The following SOX6 variants were observed in gnomAD, a reference collection of about 807,000 sequenced individuals.
SOX6 encodes the protein SRY-box transcription factor 6, also known as transcription factor SOX-6.
SOX6 carries 11 observed loss-of-function variants against 97.8 expected under a neutral mutation model. The observed-to-expected ratio is 0.11, with a 90% CI of 0.07 to 0.19. SOX6 has a LOEUF of 0.19. Among genes scored for constraint, SOX6 ranks in the 10% least tolerant of loss-of-function variants. SOX6 has a pLI of 1.00. For missense variants in SOX6, 810 were observed against 1,039.5 expected (o/e 0.78, Z 3.04); for synonymous variants, 360 against 371.4 (o/e 0.97, Z 0.35).
At chr11:16,063,613 G>C (rs553478250) in intron 9 of SOX6, among the ~76,000 whole-genome samples, 3 of 127,964 alleles carry the variant, frequency 2.3e-5, no homozygotes, top group African/African-American at 8.7e-5. Flanking sequence ...AACAGAAAAA[G>C]TACAAGGCCT....
chr11:16,630,271 G>A (rs983606978), intron 3 of SOX6, among the ~76,000 whole-genome samples: 1 of 152,206 alleles, frequency 6.6e-6, no homozygotes, highest in Admixed American at 6.5e-5. Context: ...GCATCCCAGA[G>A]ATTTTGGTAT....
In SOX6 at chr11:16,132,444, A is replaced by AAAG. The variant is rs1554933993; in HGVS notation, c.778-20522_778-20521insCTT. The stretch of plus-strand genomic sequence containing the variant: ...AAGAAAGAAAGAAAGAAAGAAAGAA[A>AAAG]AAAGAAAGAAAGAAAGAAAGAAAGA... On this transcript the variant is annotated intron_variant, in intron 6 of 15. Coordinates refer to ENST00000683767, the MANE Select transcript of SOX6 (RefSeq NM_001367873.1). Among the ~76,000 whole-genome samples, 47 of 27,248 alleles carry AAAG rather than the reference A, an allele frequency of 1.7e-3. 4 individuals are homozygous for AAAG. The highest frequency in any genetic ancestry group is 7.0e-3 in the African/African-American group (41 of 5,852). 17.9% of individuals were successfully genotyped at this position (27,248 alleles called of 152,430 possible).
intron 4 of SOX6, among the ~76,000 whole-genome samples, chr11:16,188,038 C>T (rs978258297): frequency 6.6e-6 from 1 of 151,994 alleles, no homozygotes; most frequent in African/African-American, 2.4e-5. Flanking sequence ...TAAGAAAGCA[C>T]CATTACAATC....
chr11:16,408,346 G>C (rs898412316), intron 1 of SOX6, among the ~76,000 whole-genome samples: 2 of 152,118 alleles, frequency 1.3e-5, no homozygotes, highest in African/African-American at 4.8e-5. Context: ...AAAAGGAAAG[G>C]ACCATAAAGA....
intron 13 of SOX6, among the ~76,000 whole-genome samples, chr11:16,005,160 A>C (rs527737474): frequency 6.6e-6 from 1 of 152,046 alleles, no homozygotes; most frequent in Non-Finnish European, 1.5e-5. Context: ...TATATTTTAC[A>C]TTCTATTCTT....
chr11:16,266,636 C>A (rs1473464334), intron 3 of SOX6, among the ~76,000 whole-genome samples: 2 of 151,164 alleles, frequency 1.3e-5, no homozygotes, highest in Non-Finnish European at 3.0e-5. Context: ...TGTATAACAA[C>A]AATAATAAAA....
chr11:16,145,297 A>G (rs12576891), intron 6 of SOX6, among the ~76,000 whole-genome samples: 12,581 of 152,216 alleles, frequency 0.083, 1,081 homozygotes, highest in East Asian at 0.37. Flanking sequence ...ACAAAATTCA[A>G]CAGCCCTTCA....
At chr11:16,293,827 T>TG (rs1365307264) in intron 3 of SOX6, among the ~76,000 whole-genome samples, 1 of 151,970 alleles carries the variant, frequency 6.6e-6, no homozygotes, top group Admixed American at 6.6e-5. Flanking sequence ...GATTAGTACT[T>TG]GGGGGTCACC....
At chr11:16,121,516 T>G (rs929572543) in intron 6 of SOX6, among the ~76,000 whole-genome samples, 5 of 152,000 alleles carry the variant, frequency 3.3e-5, no homozygotes, top group African/African-American at 1.2e-4. Context: ...TTTCAGGTAG[T>G]GGTATTAGGT....
intron 1 of SOX6, among the ~76,000 whole-genome samples, chr11:16,469,110 CATA>C (rs565208549): frequency 3.3e-5 from 5 of 150,230 alleles, no homozygotes; most frequent in East Asian, 1.9e-4. Flanking sequence ...TAAAATAGGC[CATA>C]ATAATAATAA....
intron 4 of SOX6, among the ~76,000 whole-genome samples, chr11:16,504,509 C>A (rs182500223): frequency 1.3e-5 from 2 of 151,272 alleles, no homozygotes; most frequent in African/African-American, 4.9e-5. Flanking sequence ...AAAAAAACTT[C>A]GAAATAAATT....
chr11:16,495,914 A>G (rs1310778122), intron 4 of SOX6, among the ~76,000 whole-genome samples: 3 of 152,156 alleles, frequency 2.0e-5, no homozygotes, highest in African/African-American at 4.8e-5. Context: ...ACAAAATATC[A>G]CCACAGCCTC....
chr11:16,283,186 T>C (rs974050065), intron 3 of SOX6, among the ~76,000 whole-genome samples: 2 of 148,182 alleles, frequency 1.3e-5, no homozygotes, highest in Non-Finnish European at 3.0e-5. Flanking sequence ...TTCATATCAA[T>C]TGAATGGCAA....
At chr11:16,218,205 T>C (rs184777251) in intron 4 of SOX6, among the ~76,000 whole-genome samples, 1 of 151,698 alleles carries the variant, frequency 6.6e-6, no homozygotes, top group Non-Finnish European at 1.5e-5. Context: ...AGTCTTCAAA[T>C]GGAAAGGGCC....
intron 4 of SOX6, among the ~76,000 whole-genome samples, chr11:16,525,283 G>C (rs1215312208): frequency 6.6e-6 from 1 of 151,596 alleles, no homozygotes. Flanking sequence ...CCAAAACAGA[G>C]ATATAGATCA....
intron 9 of SOX6, among the ~76,000 whole-genome samples, chr11:16,059,350 C>T (rs1338648044): frequency 6.6e-6 from 1 of 151,950 alleles, no homozygotes; most frequent in Non-Finnish European, 1.5e-5. Flanking sequence ...AGTTAAGCCA[C>T]TACCTTGATG....
chr11:16,303,570 ATTC>A (rs1855330960), intron 3 of SOX6, among the ~76,000 whole-genome samples: 1 of 152,158 alleles, frequency 6.6e-6, no homozygotes, highest in Non-Finnish European at 1.5e-5. Context: ...CTAACACTTT[ATTC>A]TTCTTTCTCA....
At chr11:16,373,951 A>G (rs1432324078) in intron 1 of SOX6, among the ~76,000 whole-genome samples, 1 of 151,512 alleles carries the variant, frequency 6.6e-6, no homozygotes, top group Non-Finnish European at 1.5e-5. Flanking sequence ...AGAAGGAAGG[A>G]AGCTAACTTA....
At chr11:16,328,095 T>C (rs61883197) in intron 2 of SOX6, among the ~76,000 whole-genome samples, 18,307 of 152,140 alleles carry the variant, frequency 0.12, 1,513 homozygotes, top group Middle Eastern at 0.19. Context: ...ACAAGGTTTA[T>C]TGAGATATCC....
Sources: gnomAD v4.1 joint callset for allele counts (sites outside exome capture counted in the v4.1 genomes callset) on GRCh38, gnomAD v4.1.1 for gene constraint, MANE v1.5 for transcripts, NCBI Gene and HGNC (gene_info 2026-07-23, HGNC 2026-07-21) for gene names.